Variants in ZC3H7B observed in about 807,000 individuals in gnomAD.
ZC3H7B encodes the protein zinc finger CCCH-type containing 7B.
In ZC3H7B, 35 loss-of-function variants were observed where a neutral mutation model predicts 116.0. That is an observed-to-expected ratio of 0.30 (90% CI 0.23 to 0.40). The LOEUF is 0.40. Among genes scored for constraint, ZC3H7B ranks in the 10% least tolerant of loss-of-function variants. The pLI is 1.00. For missense variants in ZC3H7B, 1,011 were observed against 1,321.5 expected (o/e 0.77, Z 3.64); for synonymous variants, 502 against 545.6 (o/e 0.92, Z 1.11).
chr22:41,329,773 TAAAAAC>T (rs1267568152), intron 5 of ZC3H7B, among the ~76,000 whole-genome samples: 1 of 152,078 alleles, frequency 6.6e-6, no homozygotes, highest in African/African-American at 2.4e-5. Flanking sequence ...TATATTAAAA[TAAAAAC>T]AAAATGATTC....
chr22:41,325,645 C>T (rs759617425), intron 3 of ZC3H7B, 48 bp downstream of exon 3: 2 of 1,609,210 alleles, frequency 1.2e-6, no homozygotes, highest in African/African-American at 2.7e-5. Context: ...CGGAGATGTG[C>T]AGGGGAGAGG....
chr22:41,356,865 C>T (rs1038443587), intron 22 of ZC3H7B, 57 bp downstream of exon 22: 6 of 1,604,700 alleles, frequency 3.7e-6, no homozygotes, highest in Non-Finnish European at 5.1e-6. Flanking sequence ...GAGATGGAGT[C>T]CGTGGCCAGC....
intron 6 of ZC3H7B, 118 bp from the exon 7 acceptor site, chr22:41,332,053 G>T: frequency 9.6e-7 from 1 of 1,039,246 alleles, no homozygotes. Flanking sequence ...AGGGACTCTC[G>T]GGGGCGCTGC....
In ZC3H7B at chr22:41,325,826, G is replaced by A. The variant is rs2036311023; in HGVS notation, c.193G>A (p.Val65Met). 2 of 1,613,422 alleles carry A rather than the reference G, an allele frequency of 1.2e-6. No homozygotes were observed. Among genetic ancestry groups the A allele is most frequent in the South Asian group, 1.1e-5 (1 of 90,960 alleles). The part of the protein sequence containing the change: ...ALVQYMEGLN[V>M]ADYAASDQVA... ...GGTGCAGTACATGGAAGGGCTGAAC[G>A]TGGCCGACTACGCTGCCTCTGACCA... Residue 65 changes from valine (V) to methionine (M), a missense_variant, in exon 4 of 23, where the codon GTG becomes ATG. By Grantham distance (21) the Val-to-Met change is conservative. Transcript: ENST00000352645.
In ZC3H7B at chr22:41,340,763, C is replaced by T. The variant is rs565187487; in HGVS notation, c.1139-325C>T. On this transcript the variant is annotated intron_variant, in intron 10 of 22. Coordinates refer to ENST00000352645, the MANE Select transcript of ZC3H7B (RefSeq NM_017590.6). The stretch of plus-strand genomic sequence containing the variant: ...GGCACTAGCCTGGCATGGCATGGCG[C>T]GGGGCTGGCTGATGAGCGGAGCAGC... Among the ~76,000 whole-genome samples the T allele has an allele frequency of 5.0e-4, 76 of 152,264 alleles. 1 individual carries two copies. Among genetic ancestry groups the T allele is most frequent in the Middle Eastern group, 6.8e-3 (2 of 294 alleles).
At chr22:41,353,188 C>T (rs1381853522) in intron 17 of ZC3H7B, among the ~76,000 whole-genome samples, 1 of 152,226 alleles carries the variant, frequency 6.6e-6, no homozygotes, top group Admixed American at 6.5e-5. Flanking sequence ...CCCCTCCCAT[C>T]CCTCCTGATC....
At position 41,359,097 on chromosome 22, in the gene ZC3H7B, G is replaced by A. The variant is rs1483993645; in HGVS notation, c.*1668G>A. ...CCTGCCCCACCCCCTGGCCGCAGCA[G>A]GCCAGCACTGCAGAGTTTGGGTGCT... is the stretch of plus-strand genomic sequence containing the variant. On this transcript the variant is annotated 3_prime_UTR_variant, in exon 23 of 23. Transcript: ENST00000352645. 1 of 152,918 alleles carries A rather than the reference G, an allele frequency of 6.5e-6. No homozygotes were observed. Among genetic ancestry groups the A allele is most frequent in the Non-Finnish European group, 1.5e-5 (1 of 68,234 alleles). 9.5% of individuals were successfully genotyped at this position (152,918 alleles called of 1,614,324 possible). A position where few individuals can be genotyped will look rare whatever the true frequency, so the allele number is the denominator to read the frequency against.
intron 9 of ZC3H7B, among the ~76,000 whole-genome samples, chr22:41,339,452 C>T (rs922777958): frequency 1.3e-5 from 2 of 151,986 alleles, no homozygotes; most frequent in African/African-American, 2.4e-5. Flanking sequence ...GTGGTGAAAC[C>T]CCCTCTCTAC....
chr22:41,347,749 C>T (rs1005048001), intron 14 of ZC3H7B, among the ~76,000 whole-genome samples: 4 of 152,196 alleles, frequency 2.6e-5, no homozygotes, highest in Non-Finnish European at 5.9e-5. Flanking sequence ...AGCCAGGTGA[C>T]AGCCTGTAGT....
chr22:41,304,404 T>C (rs929929255), intron 1 of ZC3H7B, among the ~76,000 whole-genome samples: 2 of 152,114 alleles, frequency 1.3e-5, no homozygotes, highest in African/African-American at 4.8e-5. Context: ...CCTCCCAAAG[T>C]GCTGGGATTA....
Position 41,360,033 on chromosome 22 carries a change from G to A in ZC3H7B, c.*2604G>A, listed in dbSNP as rs1361476147. ...TAATATTAAATATTCATAAGGTCTAGTATCTTGATAATAATGTAGATGTTT... is the reference window on the plus strand; with the variant it reads ...TAATATTAAATATTCATAAGGTCTAATATCTTGATAATAATGTAGATGTTT... On this transcript the variant is annotated 3_prime_UTR_variant, in exon 23 of 23. Coordinates refer to ENST00000352645, the MANE Select transcript of ZC3H7B (RefSeq NM_017590.6). 6.6e-6 allele frequency: 1 copy of A among 152,478 alleles called. No individual in the cohort carries two copies. Among genetic ancestry groups the A allele is most frequent in the Non-Finnish European group, 1.5e-5 (1 of 68,032 alleles). 9.4% of individuals were successfully genotyped at this position (152,478 alleles called of 1,614,324 possible).
chr22:41,350,574 T>G (rs907127410), intron 16 of ZC3H7B, among the ~76,000 whole-genome samples: 3 of 152,106 alleles, frequency 2.0e-5, no homozygotes, highest in Non-Finnish European at 4.4e-5. Context: ...GGATCAGATA[T>G]GAAGTATGAG....
At chr22:41,303,320 C>T (rs2035998402) in intron 1 of ZC3H7B, among the ~76,000 whole-genome samples, 1 of 152,134 alleles carries the variant, frequency 6.6e-6, no homozygotes, top group South Asian at 2.1e-4. Context: ...AGTTTCTGTT[C>T]TGTAGATGCT....
intron 1 of ZC3H7B, among the ~76,000 whole-genome samples, chr22:41,318,995 G>A (rs1162174067): frequency 6.6e-6 from 1 of 152,120 alleles, no homozygotes; most frequent in African/African-American, 2.4e-5. Context: ...TGAGCCAGGC[G>A]CAGTGGCTGA....
intron 6 of ZC3H7B, 150 bp downstream of exon 6, chr22:41,330,253 G>A (rs931476108): frequency 3.5e-5 from 27 of 770,694 alleles, no homozygotes; most frequent in African/African-American, 3.1e-4. Flanking sequence ...TTGTCTGTTG[G>A]CTGAAAGCCC....
chr22:41,339,307 C>T, intron 9 of ZC3H7B, 116 bp downstream of exon 9: 1 of 1,269,040 alleles, frequency 7.9e-7, no homozygotes, highest in Non-Finnish European at 1.1e-6. Flanking sequence ...AGGAGGAGGC[C>T]TCAGTAGGGA....
In ZC3H7B at chr22:41,357,217, C is replaced by T. The variant is rs148379458; in HGVS notation, c.2722C>T (p.Arg908Cys). The T allele has an allele frequency of 2.5e-4, 407 of 1,613,706 alleles. 2 individuals are homozygous for T. Among genetic ancestry groups the T allele is most frequent in the Middle Eastern group, 1.3e-3 (8 of 6,062 alleles). ...GKACPDGDKC[R>C]CAHGQEELNE... Reference sequence around the variant, plus strand: ...AGCCTGCCCAGATGGGGACAAGTGCCGCTGCGCCCATGGACAGGAGGAGCT... The same window carrying T: ...AGCCTGCCCAGATGGGGACAAGTGCTGCTGCGCCCATGGACAGGAGGAGCT... The change falls in exon 23 of 23, where the codon CGC becomes TGC. Residue 908 changes from arginine (R) to cysteine (C), a missense_variant. Physicochemically the swap from Arg to Cys is radical, Grantham distance 180. Transcript: ENST00000352645. The surrounding 1 kb of genome is among the most constrained non-coding windows in gnomAD (Gnocchi z 5.4).
intron 1 of ZC3H7B, among the ~76,000 whole-genome samples, chr22:41,313,396 GC>G (rs1228293537): frequency 6.6e-6 from 1 of 152,146 alleles, no homozygotes. Context: ...ACAGGCGTGA[GC>G]CACCGTACCC....
At chr22:41,335,859 G>A (rs1026433664) in intron 7 of ZC3H7B, 2 of 152,780 alleles carry the variant, frequency 1.3e-5, no homozygotes, top group African/African-American at 4.8e-5. Flanking sequence ...ACATTTCCAT[G>A]CCGTGGGATG....
Sources: gnomAD v4.1 joint callset for allele counts (sites outside exome capture counted in the v4.1 genomes callset) on GRCh38, gnomAD v4.1.1 for gene constraint, Gnocchi (gnomAD v3.1) non-coding constraint, MANE v1.5 for transcripts, NCBI Gene and HGNC (gene_info 2026-07-23, HGNC 2026-07-21) for gene names.